Variants in ATP23 observed in about 807,000 individuals in gnomAD.
ATP23 encodes the protein mitochondrial inner membrane protease ATP23 homolog.
In ATP23, 24 loss-of-function variants were observed where a neutral mutation model predicts 28.5. The ratio of observed to expected loss-of-function variants is 0.84; its 90% CI spans 0.61 to 1.18. The LOEUF is 1.18. Ranked by LOEUF, ATP23 falls within the 50% of genes most tolerant of loss-of-function variation. The pLI, the probability that ATP23 is intolerant of heterozygous loss-of-function variation, is 0.00. For synonymous variants in ATP23, 99 were observed against 108.6 expected, an observed-to-expected ratio of 0.91 and a Z score of 0.55; for missense variants, 274 against 306.4, an observed-to-expected ratio of 0.89 and a Z score of 0.79.
rs753343448 is a variant in ATP23 at position 57,956,822 on chromosome 12, A to G, written c.673A>G (p.Asn225Asp). ...DHEPFGRIPH[N>D]KTYARYAHRD... is the part of the protein sequence containing the mutation. The stretch of plus-strand genomic sequence containing the variant: ...TGAACCTTTTGGAAGGATCCCACAT[A>G]ACAAGACTTATGCAAGATATGCTCA... Residue 225 changes from asparagine to aspartate, a missense_variant, in exon 6 of 6, where the codon AAC (asparagine) becomes GAC (aspartate). By Grantham distance (23) the Asn-to-Asp change is conservative (BLOSUM62 1). Coordinates refer to ENST00000300145, the MANE Select transcript of ATP23 (RefSeq NM_033276.4). 6.2e-6 allele frequency: 10 copies of G among 1,613,830 alleles called. No individual in the cohort carries two copies. In the East Asian group the frequency reaches 2.0e-4, roughly 32 times the overall value.
In ATP23 at chr12:57,958,266, C is replaced by A. The variant is rs1224782029; in HGVS notation, c.*1376C>A. Among the ~76,000 whole-genome samples, 1 of 152,120 alleles carries A rather than the reference C, an allele frequency of 6.6e-6. No individual in the cohort carries two copies. Among genetic ancestry groups the A allele is most frequent in the South Asian group, 2.1e-4 (1 of 4,818 alleles). ...AGAGTCTGAGCTCAGACATGTCTAT[C>A]CCTGCCCCGACCTGATGTTCCTTCC... On this transcript the variant is annotated 3_prime_UTR_variant, in exon 6 of 6. Coordinates refer to ENST00000300145, the MANE Select transcript of ATP23 (RefSeq NM_033276.4).
Position 57,956,900 on chromosome 12 carries a change from CA to C in ATP23, c.*11del, listed in dbSNP as rs1340140997. 21 of 1,583,096 alleles carry C rather than the reference CA, an allele frequency of 1.3e-5. No homozygotes were observed. In the African/African-American group the frequency reaches 2.6e-4, roughly 20 times the overall value. On this transcript the variant is annotated 3_prime_UTR_variant, in exon 6 of 6. Coordinates refer to ENST00000300145, the MANE Select transcript of ATP23 (RefSeq NM_033276.4). ...TTATTCAAATATATGAGCACAATGACATTTTTATATTACAGAGCTTCCATCA... is the reference window on the plus strand; with the variant it reads ...TTATTCAAATATATGAGCACAATGACTTTTTATATTACAGAGCTTCCATCA...
At chr12:57,943,421 T>C (rs1956727266) in intron 1 of ATP23, among the ~76,000 whole-genome samples, 1 of 152,194 alleles carries the variant, frequency 6.6e-6, no homozygotes, top group African/African-American at 2.4e-5. Context: ...GGCTCATGCC[T>C]GTAATCTCAG....
In ATP23 at chr12:57,956,890, A is replaced by G. The variant is rs1357229498; in HGVS notation, c.741A>G (p.Ter247TrpextTer3). ...ENRDRYYSNI[*>W] ...GTGATCGGTATTATTCAAATATATGAGCACAATGACATTTTTATATTACAG... is the reference window on the plus strand; with the variant it reads ...GTGATCGGTATTATTCAAATATATGGGCACAATGACATTTTTATATTACAG... The change falls in exon 6 of 6, where the codon TGA becomes TGG. Residue 247 changes from the stop codon to tryptophan, a stop_lost. Coordinates refer to ENST00000300145, the MANE Select transcript of ATP23 (RefSeq NM_033276.4). 2 of 1,595,690 alleles carry G rather than the reference A, an allele frequency of 1.3e-6. No homozygotes were observed. Among genetic ancestry groups the G allele is most frequent in the Admixed American group, 1.8e-5 (1 of 55,204 alleles).
At chr12:57,945,091 T>C (rs1329361528) in intron 1 of ATP23, among the ~76,000 whole-genome samples, 3 of 152,348 alleles carry the variant, frequency 2.0e-5, no homozygotes, top group African/African-American at 7.2e-5. Context: ...TAACTAAAAA[T>C]GAACTTTAAA....
rs559768617 is a variant in ATP23, at chr12:57,946,526, C to T, written c.234-469C>T. Among the ~76,000 whole-genome samples the T allele has an allele frequency of 7.3e-4, 106 of 144,448 alleles. 1 individual carries two copies. In the South Asian group the frequency reaches 0.022, roughly 30 times the overall value. The allele number at this position is 144,448 out of a possible 152,430, so 94.8% of individuals were successfully genotyped here. ...AGGCTGGAATGCAGTGGCACGATCT[C>T]GGCTCACCGCAACCTCCGCCTCCCG... On this transcript the variant is annotated intron_variant, in intron 2 of 5. Transcript: ENST00000300145.
rs1447964139 is a variant in ATP23, at chr12:57,947,037, T to C, written c.276T>C (p.Asn92=). 3.1e-6 allele frequency: 5 copies of C among 1,614,002 alleles called. No individual in the cohort carries two copies. In the African/African-American group the frequency reaches 6.7e-5, roughly 22 times the overall value. ...GACACTTTTCTTGCGAAGACTGTAA[T>C]GGAAATGTCAGTGGAGGTTTTGATG... ...KDRHFSCEDC[N]GNVSGGFDAS... is the part of the protein sequence containing the mutation. The change falls in exon 3 of 6, where the codon AAT becomes AAC. Residue 92 remains asparagine (N), a synonymous_variant. Coordinates refer to ENST00000300145, the MANE Select transcript of ATP23 (RefSeq NM_033276.4).
chr12:57,941,602 A>C lies in ATP23; in HGVS notation c.-100A>C. On this transcript the variant is annotated 5_prime_UTR_variant, in exon 1 of 6. Transcript: ENST00000300145. ...GGCTGCCCTTCTTCCCTGCGGAGGG[A>C]GGGCCTGGGCGGTCGCGTTGGCGGG... is the stretch of plus-strand genomic sequence containing the variant. 6.9e-7 allele frequency: 1 copy of C among 1,459,258 alleles called. No homozygotes were observed. Among genetic ancestry groups the C allele is most frequent in the East Asian group, 2.4e-5 (1 of 41,562 alleles). 90.4% of individuals were successfully genotyped at this position (1,459,258 alleles called of 1,614,324 possible).
At position 57,957,619 on chromosome 12, in the gene ATP23, A is replaced by C. The variant is rs930920806; in HGVS notation, c.*729A>C. Reference sequence around the variant, plus strand: ...CCTCCTCTCCCACACACACCCCCCCACTGGAGAAACTGAAGGTCTGTTTGT... The same window carrying C: ...CCTCCTCTCCCACACACACCCCCCCCCTGGAGAAACTGAAGGTCTGTTTGT... On this transcript the variant is annotated 3_prime_UTR_variant, in exon 6 of 6. Transcript: ENST00000300145. Among the ~76,000 whole-genome samples the C allele has an allele frequency of 1.3e-5, 2 of 151,954 alleles. No individual in the cohort carries two copies. Among genetic ancestry groups the C allele is most frequent in the Non-Finnish European group, 2.9e-5 (2 of 67,958 alleles).
At chr12:57,953,971 G>A (rs1956840627) in intron 5 of ATP23, among the ~76,000 whole-genome samples, 1 of 152,084 alleles carries the variant, frequency 6.6e-6, no homozygotes, top group Non-Finnish European at 1.5e-5. Context: ...GAGGCGGGCG[G>A]ATCACGAGGT....
Position 57,950,345 on chromosome 12 carries a change from G to A in ATP23, c.316-1413G>A, listed in dbSNP as rs193215142. Among the ~76,000 whole-genome samples, 713 of 152,044 alleles carry A rather than the reference G, an allele frequency of 4.7e-3. 6 individuals are homozygous for A. Among genetic ancestry groups the A allele is most frequent in the Middle Eastern group, 0.01 (3 of 294 alleles). On this transcript the variant is annotated intron_variant, in intron 3 of 5. Transcript: ENST00000300145. ...TAGGGCTCTCCTTTTAGCTTCTCAA[G>A]CATTTTCTTCCGTCAACCCTCCCTC...
intron 1 of ATP23, among the ~76,000 whole-genome samples, chr12:57,943,791 G>A (rs1357740495): frequency 6.6e-6 from 1 of 152,204 alleles, no homozygotes; most frequent in African/African-American, 2.4e-5. Context: ...TGGAGGAAGA[G>A]TGGAAATAGA....
chr12:57,955,280 GTT>G (rs71087605), intron 5 of ATP23, among the ~76,000 whole-genome samples: 4 of 142,124 alleles, frequency 2.8e-5, no homozygotes, highest in East Asian at 2.0e-4. Context: ...AATAGAGCAT[GTT>G]TTTTTTTTTT....
At chr12:57,950,709 TA>T (rs1220627205) in intron 3 of ATP23, among the ~76,000 whole-genome samples, 1 of 151,846 alleles carries the variant, frequency 6.6e-6, no homozygotes, top group African/African-American at 2.4e-5. Context: ...TTTATTTTTT[TA>T]TAGAGATGGG....
At position 57,951,800 on chromosome 12, in the gene ATP23, A is replaced by C; in HGVS notation, c.358A>C (p.Asn120His). The C allele has an allele frequency of 6.2e-7, 1 of 1,614,140 alleles. No homozygotes were observed. Among genetic ancestry groups the C allele is most frequent in the East Asian group, 2.2e-5 (1 of 44,882 alleles). The change falls in exon 4 of 6, where the codon AAC becomes CAC. Residue 120 changes from asparagine to histidine, a missense_variant. By Grantham distance (68) the Asn-to-His change is moderately conservative. Coordinates refer to ENST00000300145, the MANE Select transcript of ATP23 (RefSeq NM_033276.4). Reference sequence around the variant, plus strand: ...TAATATCCATAATCAGGCCCATATGAACAGAGTGGTCACACACGAGCTTAT... The same window carrying C: ...TAATATCCATAATCAGGCCCATATGCACAGAGTGGTCACACACGAGCTTAT... ...QNNIHNQAHM[N>H]RVVTHELIHA...
chr12:57,947,104 T>C, intron 3 of ATP23, 28 bp downstream of exon 3: 1 of 1,592,862 alleles, frequency 6.3e-7, no homozygotes, highest in Non-Finnish European at 8.6e-7. Flanking sequence ...ATTGTTTCCT[T>C]CCCTTTAATC....
intron 4 of ATP23, 43 bp downstream of exon 4, chr12:57,951,938 A>G: frequency 6.2e-7 from 1 of 1,602,812 alleles, no homozygotes; most frequent in Non-Finnish European, 8.5e-7. Context: ...CTATGCTTGA[A>G]TATTTTATTC....
At position 57,941,824 on chromosome 12, in the gene ATP23, C is replaced by T. The variant is rs1956706588; in HGVS notation, c.123C>T (p.Phe41=). 6.2e-7 allele frequency: 1 copy of T among 1,612,732 alleles called. No homozygotes were observed. The highest frequency in any genetic ancestry group is 1.3e-5 in the African/African-American group (1 of 74,824). ...CCCAGGGGAATCCCCAGCAAGGGTT[C>T]TTCTCCAGCTTCTTCACCAGCAACC... The part of the protein sequence containing the change: ...RLAQGNPQQG[F]FSSFFTSNQK... The change falls in exon 1 of 6, where the codon TTC becomes TTT. Residue 41 remains phenylalanine, a synonymous_variant. Transcript: ENST00000300145.
chr12:57,941,619 G>A lies in ATP23; in HGVS notation c.-83G>A, dbSNP rs1224302996. On this transcript the variant is annotated 5_prime_UTR_variant, in exon 1 of 6. Coordinates refer to ENST00000300145, the MANE Select transcript of ATP23 (RefSeq NM_033276.4). Reference sequence around the variant, plus strand: ...GCGGAGGGAGGGCCTGGGCGGTCGCGTTGGCGGGAGGGAGGTTACCTTTCC... The same window carrying A: ...GCGGAGGGAGGGCCTGGGCGGTCGCATTGGCGGGAGGGAGGTTACCTTTCC... The A allele has an allele frequency of 4.6e-6, 7 of 1,510,316 alleles. No homozygotes were observed. The highest frequency in any genetic ancestry group is 6.2e-6 in the Non-Finnish European group (7 of 1,132,234). The allele number at this position is 1,510,316 out of a possible 1,614,324, so 93.6% of individuals were successfully genotyped here.
Sources: gnomAD v4.1 joint callset for allele counts (sites outside exome capture counted in the v4.1 genomes callset) on GRCh38, gnomAD v4.1.1 for gene constraint, MANE v1.5 for transcripts, NCBI Gene and HGNC (gene_info 2026-07-23, HGNC 2026-07-21) for gene names.